The following COG2 variants were observed in gnomAD, a reference collection of about 807,000 sequenced individuals.
COG2 encodes the protein component of oligomeric golgi complex 2.
A neutral mutation model predicts 90.6 loss-of-function variants in COG2; 52 were observed. The observed-to-expected ratio is 0.57, with a 90% CI of 0.46 to 0.72. The LOEUF is 0.72. COG2 is among the 30% of genes least tolerant of loss of function. COG2 has a pLI of 0.00. For synonymous variants in COG2, 337 were observed against 320.4 expected (o/e 1.05, Z -0.55); for missense variants, 829 against 891.2 (o/e 0.93, Z 0.89).
chr1:230,651,684 G>A (rs35904235), intron 1 of COG2, among the ~76,000 whole-genome samples: 8,135 of 152,160 alleles, frequency 0.053, 248 homozygotes, highest in Middle Eastern at 0.088. Context: ...GGGCTTTCAG[G>A]CCATAATTCT....
intron 9 of COG2, among the ~76,000 whole-genome samples, chr1:230,675,414 G>A (rs1369833001): frequency 1.3e-5 from 2 of 152,030 alleles, no homozygotes; most frequent in Non-Finnish European, 2.9e-5. Flanking sequence ...AACATCCTGA[G>A]GACCATTAAA....
At chr1:230,678,525 C>T (rs1389751377) in intron 9 of COG2, 1 of 985,190 alleles carries the variant, frequency 1.0e-6, no homozygotes, top group East Asian at 1.1e-4. Flanking sequence ...CTCTCTCTTT[C>T]TTCTTCAGAA....
intron 3 of COG2, among the ~76,000 whole-genome samples, chr1:230,662,048 C>G (rs984763974): frequency 6.6e-6 from 1 of 151,960 alleles, no homozygotes; most frequent in Non-Finnish European, 1.5e-5. Flanking sequence ...CTCCTCTCCT[C>G]TTCTCTCCTC....
intron 11 of COG2, chr1:230,684,228 G>T (rs940527887): frequency 1.3e-5 from 2 of 152,460 alleles, no homozygotes; most frequent in Non-Finnish European, 2.9e-5. Context: ...TTGTCCAGGG[G>T]ATATGGCCCC....
At chr1:230,692,381 A>C (rs1489552045) in intron 17 of COG2, among the ~76,000 whole-genome samples, 1 of 152,056 alleles carries the variant, frequency 6.6e-6, no homozygotes. Context: ...AAAACAAGAC[A>C]CTTGATTTTC....
chr1:230,689,591 A>G (rs1396121267), intron 15 of COG2, among the ~76,000 whole-genome samples: 1 of 152,246 alleles, frequency 6.6e-6, no homozygotes, highest in Non-Finnish European at 1.5e-5. Flanking sequence ...CAGCATTCAC[A>G]TCACCTTGTG....
In COG2 at chr1:230,671,537, GA is replaced by G; in HGVS notation, c.798del (p.Glu266AspfsTer48). 6.2e-7 allele frequency: 1 copy of G among 1,612,984 alleles called. No individual in the cohort carries two copies. Among genetic ancestry groups the G allele is most frequent in the East Asian group, 2.2e-5 (1 of 44,850 alleles). ...ATAGGTGATTATAGAGCAGTTTGTT[GA>G]ATCTCATCCCAATGGCCTTCAGGTC... ...IDEVIIEQFV[E>X]SHPNGLQVMY... On this transcript the variant is annotated frameshift_variant, in exon 8 of 18. Coordinates refer to ENST00000366669, the MANE Select transcript of COG2 (RefSeq NM_007357.3). LOFTEE classifies it high-confidence loss of function.
intron 1 of COG2, among the ~76,000 whole-genome samples, chr1:230,657,109 TATG>T (rs1480992154): frequency 2.6e-5 from 4 of 152,200 alleles, no homozygotes; most frequent in Non-Finnish European, 5.9e-5. Flanking sequence ...ACCCTATCCT[TATG>T]ATGCTAGGTG....
At position 230,683,730 on chromosome 1, in the gene COG2, A is replaced by G. The variant is rs1385436241; in HGVS notation, c.1228+95A>G. On this transcript the variant is annotated intron_variant, in intron 11 of 17. Transcript: ENST00000366669. The stretch of plus-strand genomic sequence containing the variant: ...ATTGCAGTATTCTGAGCGTACTTTT[A>G]CTGTTTTTTTTTTTTAATCATACAG... 4 of 646,244 alleles carry G rather than the reference A, an allele frequency of 6.2e-6. No homozygotes were observed. In the East Asian group the frequency reaches 1.3e-4, roughly 21 times the overall value. 40.0% of individuals were successfully genotyped at this position (646,244 alleles called of 1,614,324 possible).
At chr1:230,646,571 G>C (rs1201717917) in intron 1 of COG2, among the ~76,000 whole-genome samples, 3 of 152,030 alleles carry the variant, frequency 2.0e-5, no homozygotes, top group Non-Finnish European at 2.9e-5. Flanking sequence ...CAGGTGAAAG[G>C]TTCATACTTC....
chr1:230,680,377 G>GACCCTGGGACCCATGCAGCATC (rs3838302), intron 10 of COG2: 43,942 of 146,618 alleles, frequency 0.3, 7,578 homozygotes, highest in Non-Finnish European at 0.41. Flanking sequence ...CTTTTCCTCA[G>GACCCTGGGACCCATGCAGCATC]ACCCTGGGAC....
At chr1:230,654,621 A>T (rs1662005516) in intron 1 of COG2, among the ~76,000 whole-genome samples, 2 of 152,038 alleles carry the variant, frequency 1.3e-5, no homozygotes, top group South Asian at 4.1e-4. Flanking sequence ...GACTTTTTCC[A>T]ATTCTGTGAA....
chr1:230,666,789 G>A (rs911070671), intron 5 of COG2, among the ~76,000 whole-genome samples: 1 of 152,122 alleles, frequency 6.6e-6, no homozygotes, highest in Non-Finnish European at 1.5e-5. Flanking sequence ...CATGCTTAAA[G>A]TATAGAAAGT....
intron 1 of COG2, among the ~76,000 whole-genome samples, chr1:230,650,044 G>T (rs1661874889): frequency 6.6e-6 from 1 of 152,182 alleles, no homozygotes. Context: ...TGCTGCAAAA[G>T]ACATGATTTC....
At chr1:230,683,413 A>T in intron 10 of COG2, 161 bp from the exon 11 acceptor site, 1 of 248,278 alleles carries the variant, frequency 4.0e-6, no homozygotes, top group Non-Finnish European at 8.0e-6. Flanking sequence ...TTCAGTTAAA[A>T]AAAAAAAAAA....
At chr1:230,686,906 A>G (rs762178440) in intron 12 of COG2, 29 bp from the exon 13 acceptor site, 11 of 1,419,628 alleles carry the variant, frequency 7.7e-6, no homozygotes, top group Non-Finnish European at 1.0e-5. Flanking sequence ...CTAGTGTGAA[A>G]GTAGTTAATC....
At chr1:230,660,362 G>A (rs922626345) in intron 2 of COG2, among the ~76,000 whole-genome samples, 2 of 152,058 alleles carry the variant, frequency 1.3e-5, no homozygotes, top group Admixed American at 6.6e-5. Context: ...TTTCTCAAGG[G>A]TTATAATGGT....
intron 8 of COG2, among the ~76,000 whole-genome samples, chr1:230,672,261 T>C (rs1662465777): frequency 1.3e-5 from 2 of 152,160 alleles, no homozygotes; most frequent in South Asian, 2.1e-4. Context: ...CATGAATCTT[T>C]AGTGGCTTCT....
chr1:230,646,974 A>G (rs536825800), intron 1 of COG2, among the ~76,000 whole-genome samples: 1 of 151,974 alleles, frequency 6.6e-6, no homozygotes, highest in African/African-American at 2.4e-5. Context: ...ATTATAATCT[A>G]GTGGCTTCTT....
Sources: allele counts gnomAD v4.1 joint callset (sites outside exome capture counted in the v4.1 genomes callset), GRCh38; gene constraint gnomAD v4.1.1; transcripts MANE v1.5; gene names NCBI Gene and HGNC (gene_info 2026-07-23, HGNC 2026-07-21).